Variants in MUC13 observed in about 807,000 individuals in gnomAD.
The protein encoded by MUC13 is mucin-13.
In MUC13, 32 loss-of-function variants were observed where a neutral mutation model predicts 48.3. The ratio of observed to expected loss-of-function variants is 0.66; its 90% confidence interval spans 0.50 to 0.89. The LOEUF (loss-of-function observed/expected upper bound fraction) is 0.89, where lower values mean the gene tolerates loss of function less well. MUC13 is among the 40% of genes least tolerant of loss of function. The pLI is 0.00. For missense variants in MUC13, 571 were observed against 622.8 expected, an observed-to-expected ratio of 0.92 and a Z score of 0.88; for synonymous variants, 199 against 224.9, an observed-to-expected ratio of 0.88 and a Z score of 1.03.
intron 1 of MUC13, among the ~76,000 whole-genome samples, chr3:124,930,277 C>T (rs1935770992): frequency 6.6e-6 from 1 of 152,208 alleles, no homozygotes; most frequent in Non-Finnish European, 1.5e-5. Flanking sequence ...GAATACATTT[C>T]AGAATGCTCA....
chr3:124,921,692 T>C (rs1391400135), intron 4 of MUC13, among the ~76,000 whole-genome samples: 1 of 152,198 alleles, frequency 6.6e-6, no homozygotes, highest in Non-Finnish European at 1.5e-5. Flanking sequence ...AAGTAACAGA[T>C]ATTCAGATGT....
At chr3:124,907,986 G>A (rs1935346653) in intron 11 of MUC13, among the ~76,000 whole-genome samples, 161 bp downstream of exon 11, 1 of 152,122 alleles carries the variant, frequency 6.6e-6, no homozygotes, top group African/African-American at 2.4e-5. Context: ...TACGACAGCA[G>A]GGAACTTCCT....
intron 4 of MUC13, among the ~76,000 whole-genome samples, chr3:124,920,585 A>T (rs929363073): frequency 1.3e-5 from 2 of 152,202 alleles, no homozygotes; most frequent in Non-Finnish European, 1.5e-5. Context: ...AACTATAAGA[A>T]TGCTTCATCC....
chr3:124,929,212 G>C (rs1342840936), intron 1 of MUC13, among the ~76,000 whole-genome samples: 2 of 137,574 alleles, frequency 1.5e-5, no homozygotes, highest in Non-Finnish European at 3.1e-5. Context: ...GTCTTGTTCT[G>C]TCACACATGC....
intron 6 of MUC13, among the ~76,000 whole-genome samples, chr3:124,914,290 A>G (rs1935473767): frequency 1.3e-5 from 2 of 152,058 alleles, no homozygotes; most frequent in African/African-American, 4.8e-5. Flanking sequence ...TGTGCCTGTA[A>G]TATCAGCTAC....
intron 1 of MUC13, among the ~76,000 whole-genome samples, chr3:124,932,787 GT>G (rs1291030184): frequency 6.6e-6 from 1 of 151,974 alleles, no homozygotes; most frequent in African/African-American, 2.4e-5. Flanking sequence ...CTAATAAGTG[GT>G]GGCATGCCAT....
chr3:124,916,294 G>T, intron 6 of MUC13, 23 bp downstream of exon 6: 1 of 1,587,806 alleles, frequency 6.3e-7, no homozygotes, highest in South Asian at 1.1e-5. Context: ...GGTGAACTTT[G>T]AATAAAATTA....
Position 124,908,349 on chromosome 3 carries a change from C to T in MUC13, c.1338-1G>A, listed in dbSNP as rs145010852. The T allele has an allele frequency of 6.2e-6, 10 of 1,612,954 alleles. No individual in the cohort carries two copies. Among genetic ancestry groups the T allele is most frequent in the Non-Finnish European group, 8.5e-6 (10 of 1,179,116 alleles). ...AATATGCTTCGTTTTGTTATTTGAT[C>T]TGTAATCAGTAAGAGGAATTAGGAT... is the stretch of plus-strand genomic sequence containing the variant. On this transcript the variant is annotated splice_acceptor_variant, in intron 10 of 11. Coordinates refer to ENST00000616727, the MANE Select transcript of MUC13 (RefSeq NM_033049.4). LOFTEE classifies it high-confidence loss of function.
intron 10 of MUC13, 134 bp downstream of exon 10, chr3:124,910,281 C>T: frequency 8.0e-7 from 1 of 1,250,538 alleles, no homozygotes; most frequent in Non-Finnish European, 1.1e-6. Context: ...TGCCTGTAAT[C>T]CCAGCACTTT....
intron 1 of MUC13, among the ~76,000 whole-genome samples, chr3:124,932,230 A>G (rs1175537535): frequency 1.3e-5 from 2 of 152,092 alleles, no homozygotes; most frequent in Admixed American, 1.3e-4. Context: ...TACTTGTATA[A>G]CTTTTTTAAA....
At chr3:124,915,091 T>C (rs1340135329) in intron 6 of MUC13, among the ~76,000 whole-genome samples, 2 of 152,172 alleles carry the variant, frequency 1.3e-5, no homozygotes, top group East Asian at 3.8e-4. Flanking sequence ...TCAAATGCTA[T>C]AGAAAAGTCA....
At chr3:124,921,536 GAGGGTCCTTCC>G (rs1935594332) in intron 4 of MUC13, among the ~76,000 whole-genome samples, 2 of 152,146 alleles carry the variant, frequency 1.3e-5, no homozygotes, top group South Asian at 4.1e-4. Context: ...GACATGCTCT[GAGGGTCCTTCC>G]AGAGCTAACA....
intron 5 of MUC13, among the ~76,000 whole-genome samples, chr3:124,917,065 G>C (rs1261961292): frequency 1.3e-5 from 2 of 152,108 alleles, no homozygotes; most frequent in African/African-American, 2.4e-5. Flanking sequence ...GGGGCTGCGG[G>C]AAACATGAGC....
At chr3:124,907,967 G>A (rs1935346298) in intron 11 of MUC13, among the ~76,000 whole-genome samples, 180 bp downstream of exon 11, 1 of 152,182 alleles carries the variant, frequency 6.6e-6, no homozygotes, top group Non-Finnish European at 1.5e-5. Flanking sequence ...TCACATAGAT[G>A]CTCAGAGTTA....
intron 1 of MUC13, among the ~76,000 whole-genome samples, chr3:124,928,890 G>A (rs1312082843): frequency 6.6e-6 from 1 of 152,042 alleles, no homozygotes; most frequent in Non-Finnish European, 1.5e-5. Flanking sequence ...TCATTACCTT[G>A]ATAGATTGAG....
At chr3:124,911,921 G>A (rs970132535) in intron 9 of MUC13, among the ~76,000 whole-genome samples, 183 bp downstream of exon 9, 1 of 152,184 alleles carries the variant, frequency 6.6e-6, no homozygotes, top group African/African-American at 2.4e-5. Context: ...AGGGGCTGCT[G>A]TTCATAACCT....
At chr3:124,908,483 T>C (rs1467863775) in intron 10 of MUC13, 135 bp from the exon 11 acceptor site, 2 of 752,214 alleles carry the variant, frequency 2.7e-6, no homozygotes, top group Non-Finnish European at 4.2e-6. Context: ...AATACATATA[T>C]TACGGCGTTC....
Position 124,905,890 on chromosome 3 carries a change from A to C in MUC13, c.*853T>G, listed in dbSNP as rs993364756. 1 of 152,392 alleles carries C rather than the reference A, an allele frequency of 6.6e-6. No homozygotes were observed. The allele number at this position is 152,392 out of a possible 1,614,324, so 9.4% of individuals were successfully genotyped here. On this transcript the variant is annotated 3_prime_UTR_variant, in exon 12 of 12. Transcript: ENST00000616727. ...AGAAGTGCTCCTTTGCTGATGGAGG[A>C]GGGGACCTAAGGAAGAAGGTGGATC...
rs1935712862 is a variant in MUC13, at chr3:124,927,596, G to A, written c.450C>T (p.Asp150=). ...CAGTGGGAGGCCCTGATGATTGATT[G>A]TCTTCTGTGGTGGGGGACATTTCAT... The part of the protein sequence containing the change: ...SNNEMSPTTE[D]NQSSGPPTGT... Residue 150 remains aspartate (D), a synonymous_variant, in exon 2 of 12, where the codon GAC becomes GAT. Coordinates refer to ENST00000616727, the MANE Select transcript of MUC13 (RefSeq NM_033049.4). The A allele has an allele frequency of 1.2e-6, 2 of 1,614,204 alleles. No homozygotes were observed. The highest frequency in any genetic ancestry group is 1.6e-4 in the Middle Eastern group (1 of 6,062).
Sources: allele counts gnomAD v4.1 joint callset (sites outside exome capture counted in the v4.1 genomes callset), GRCh38; gene constraint gnomAD v4.1.1; transcripts MANE v1.5; gene names NCBI Gene and HGNC (gene_info 2026-07-23, HGNC 2026-07-21).